The following DCP2 variants were observed in gnomAD, a reference collection of about 807,000 sequenced individuals.
DCP2 encodes decapping mRNA 2.
Under a neutral mutation model 56.1 loss-of-function variants are expected in DCP2, and 30 were observed. The observed-to-expected ratio is 0.53, with a 90% CI of 0.40 to 0.73. The LOEUF (loss-of-function observed/expected upper bound fraction) is 0.73, where lower values mean the gene tolerates loss of function less well. DCP2 is among the 30% of genes least tolerant of loss of function. The pLI is 0.00. For missense variants in DCP2, 533 were observed against 502.7 expected (o/e 1.06, Z -0.58); for synonymous variants, 197 against 163.3 (o/e 1.21, Z -1.57).
Position 113,001,399 on chromosome 5 carries a change from A to T in DCP2, c.628A>T (p.Asn210Tyr). 2 of 1,613,984 alleles carry T rather than the reference A, an allele frequency of 1.2e-6. No homozygotes were observed. Among genetic ancestry groups the T allele is most frequent in the Non-Finnish European group, 1.7e-6 (2 of 1,180,006 alleles). ...TATTGAGAAATTGCCTTGTCATAGA[A>T]ATGATATGACCCCCAAATCCAAACT... ...FSIEKLPCHR[N>Y]DMTPKSKLGL... Residue 210 changes from asparagine (N) to tyrosine (Y), a missense_variant, in exon 6 of 11, where the codon AAT (asparagine) becomes TAT (tyrosine). Transcript: ENST00000389063.
intron 4 of DCP2, among the ~76,000 whole-genome samples, chr5:112,994,379 C>G (rs1292159402): frequency 6.6e-6 from 1 of 151,514 alleles, no homozygotes; most frequent in Non-Finnish European, 1.5e-5. Context: ...ACTGTGTTGC[C>G]CGGGCTGGTC....
In DCP2 at chr5:112,999,745, C is replaced by T. The variant is rs1749050758; in HGVS notation, c.433-1339C>T. On this transcript the variant is annotated intron_variant, in intron 4 of 10. Transcript: ENST00000389063. ...CCTTTGATCAAGTGATCCTCTCACC[C>T]CAGCCTACTGAGTAACTAGAAAAAC... 2.0e-5 allele frequency among the ~76,000 whole-genome samples: 3 copies of T among 151,748 alleles called. No individual in the cohort carries two copies. The South Asian group carries it at 6.2e-4, about 32-fold the overall frequency.
rs1406813818 is a variant in DCP2 at position 113,014,555 on chromosome 5, A to C, written c.*1071A>C. ...GTTACACGTTATGTATATGTGTTAC[A>C]TAACAGTAACATACATAACTCACTC... is the stretch of plus-strand genomic sequence containing the variant. On this transcript the variant is annotated 3_prime_UTR_variant, in exon 11 of 11. Coordinates refer to ENST00000389063, the MANE Select transcript of DCP2 (RefSeq NM_152624.6). The C allele has an allele frequency of 6.6e-6, 1 of 152,670 alleles. No individual in the cohort carries two copies. The highest frequency in any genetic ancestry group is 1.5e-5 in the Non-Finnish European group (1 of 68,050). The allele number at this position is 152,670 out of a possible 1,614,324, so 9.5% of individuals were successfully genotyped here.
intron 4 of DCP2, among the ~76,000 whole-genome samples, chr5:112,997,467 T>A (rs754748014): frequency 4.6e-5 from 7 of 152,222 alleles, no homozygotes; most frequent in African/African-American, 1.7e-4. Flanking sequence ...TGTGCACTTA[T>A]ATAATTTAAT....
intron 8 of DCP2, among the ~76,000 whole-genome samples, chr5:113,006,091 G>C (rs1463010381): frequency 1.3e-5 from 2 of 149,492 alleles, no homozygotes; most frequent in African/African-American, 5.0e-5. Context: ...ACTCCAGCCT[G>C]GGCAACAGGA....
At chr5:113,012,455 T>A (rs1420772272) in intron 10 of DCP2, among the ~76,000 whole-genome samples, 1 of 152,172 alleles carries the variant, frequency 6.6e-6, no homozygotes, top group Non-Finnish European at 1.5e-5. Context: ...GTGAAAGGAT[T>A]CATGTCCTGG....
rs1750116372 is a variant in DCP2, at chr5:113,021,368, G to GA, written c.*7890dup. Among the ~76,000 whole-genome samples, 2 of 88,884 alleles carry GA rather than the reference G, an allele frequency of 2.3e-5. No homozygotes were observed. Among genetic ancestry groups the GA allele is most frequent in the South Asian group, 7.9e-4 (2 of 2,542 alleles). The allele number at this position is 88,884 out of a possible 152,430, so 58.3% of individuals were successfully genotyped here. On this transcript the variant is annotated 3_prime_UTR_variant, in exon 11 of 11. Transcript: ENST00000389063. ...GGTGAACAGAGCAAGACTCTGTCTG[G>GA]AAAAAACAAAAAACAACCAAAAAAA...
At chr5:112,981,964 C>G (rs1369871688) in intron 1 of DCP2, among the ~76,000 whole-genome samples, 1 of 152,062 alleles carries the variant, frequency 6.6e-6, no homozygotes, top group Non-Finnish European at 1.5e-5. Flanking sequence ...CGGGGTTTCA[C>G]CATGTGTTAG....
Position 112,976,906 on chromosome 5 carries a change from T to C in DCP2, c.-28T>C. 1.9e-6 allele frequency: 3 copies of C among 1,613,536 alleles called. No individual in the cohort carries two copies. Among genetic ancestry groups the C allele is most frequent in the Non-Finnish European group, 2.5e-6 (3 of 1,179,414 alleles). On this transcript the variant is annotated 5_prime_UTR_variant, in exon 1 of 11. It removes an upstream start codon present in the reference 5' UTR. Coordinates refer to ENST00000389063, the MANE Select transcript of DCP2 (RefSeq NM_152624.6). The stretch of plus-strand genomic sequence containing the variant: ...AGTCCCCGGCCGCGCGGAGCCGGGA[T>C]GCACTGTTCCTGCTGTGGGTCCTCA...
chr5:112,992,485 A>T (rs1048853857), intron 3 of DCP2, among the ~76,000 whole-genome samples, 187 bp from the exon 4 acceptor site: 2 of 151,528 alleles, frequency 1.3e-5, no homozygotes, highest in Non-Finnish European at 2.9e-5. Context: ...TTTTTTTTTT[A>T]AATGGGCAGA....
At chr5:113,011,176 G>T (rs1378876217) in intron 10 of DCP2, among the ~76,000 whole-genome samples, 2 of 152,182 alleles carry the variant, frequency 1.3e-5, no homozygotes, top group Non-Finnish European at 2.9e-5. Context: ...GACTTTAGAA[G>T]GGGAACATTT....
chr5:113,008,473 T>TAAGTG (rs1241141853), intron 9 of DCP2, among the ~76,000 whole-genome samples: 2 of 53,092 alleles, frequency 3.8e-5, no homozygotes, highest in Non-Finnish European at 8.1e-5. Context: ...TGATGACAAA[T>TAAGTG]AACAAAGCAG....
At chr5:113,003,146 T>C (rs1194181594) in intron 7 of DCP2, among the ~76,000 whole-genome samples, 8 of 94,660 alleles carry the variant, frequency 8.5e-5, no homozygotes, top group Non-Finnish European at 1.5e-4. Flanking sequence ...TCTGTTATTG[T>C]AATATTAGTC....
At position 113,012,629 on chromosome 5, in the gene DCP2, CT is replaced by C. The variant is rs925978474; in HGVS notation, c.1100-684del. 2.6e-5 allele frequency among the ~76,000 whole-genome samples: 4 copies of C among 151,816 alleles called. No homozygotes were observed. In the East Asian group the frequency reaches 5.8e-4, roughly 22 times the overall value. On this transcript the variant is annotated intron_variant, in intron 10 of 10. Coordinates refer to ENST00000389063, the MANE Select transcript of DCP2 (RefSeq NM_152624.6). ...TATGATTTGGAAAATTTGGATTTTT[CT>C]TTTTTTTCTTATTTTTTTCTTTTGT...
At chr5:112,990,309 G>T (rs1275674838) in intron 2 of DCP2, among the ~76,000 whole-genome samples, 3 of 152,100 alleles carry the variant, frequency 2.0e-5, no homozygotes, top group East Asian at 3.8e-4. Context: ...ACTTGTCTAT[G>T]CCTCTGTTTT....
chr5:113,006,240 C>G (rs901336452), intron 8 of DCP2, among the ~76,000 whole-genome samples: 7 of 152,020 alleles, frequency 4.6e-5, no homozygotes, highest in African/African-American at 1.7e-4. Context: ...TTATTCCATT[C>G]CTAAATAGGC....
At chr5:113,001,054 G>GA in intron 4 of DCP2, 30 bp from the exon 5 acceptor site, 1 of 1,563,304 alleles carries the variant, frequency 6.4e-7, no homozygotes, top group Non-Finnish European at 8.6e-7. Context: ...GAACTAAAAT[G>GA]AAAATTTCAT....
intron 4 of DCP2, among the ~76,000 whole-genome samples, chr5:112,993,040 C>G (rs1318091990): frequency 6.6e-6 from 1 of 151,374 alleles, no homozygotes; most frequent in Non-Finnish European, 1.5e-5. Context: ...CCACCTTTCC[C>G]TTTAGAATTA....
intron 4 of DCP2, among the ~76,000 whole-genome samples, chr5:112,994,753 A>T (rs1247861376): frequency 1.3e-5 from 2 of 152,172 alleles, no homozygotes; most frequent in Non-Finnish European, 2.9e-5. Context: ...GTTCTAGCAT[A>T]CATTTTGTTA....
Sources: allele counts gnomAD v4.1 joint callset (sites outside exome capture counted in the v4.1 genomes callset), GRCh38; gene constraint gnomAD v4.1.1; transcripts MANE v1.5; gene names NCBI Gene and HGNC (gene_info 2026-07-23, HGNC 2026-07-21).